Variants in SLC24A3 observed in about 807,000 individuals in gnomAD.
SLC24A3 encodes solute carrier family 24 member 3.
A neutral mutation model predicts 75.8 loss-of-function variants in SLC24A3; 28 were observed. That is an observed-to-expected ratio of 0.37 (90% CI 0.27 to 0.51). SLC24A3 has a LOEUF of 0.51. Ranked by LOEUF, SLC24A3 falls within the 20% of genes least tolerant of loss-of-function variation. The pLI is 0.94. For synonymous variants in SLC24A3, 372 were observed against 334.1 expected, an observed-to-expected ratio of 1.11 and a Z score of -1.24; for missense variants, 663 against 847.8, an observed-to-expected ratio of 0.78 and a Z score of 2.71.
intron 2 of SLC24A3, among the ~76,000 whole-genome samples, chr20:19,379,359 C>G (rs1489269938): frequency 2.0e-5 from 3 of 152,132 alleles, no homozygotes; most frequent in Non-Finnish European, 4.4e-5. Flanking sequence ...GGAGATAAGG[C>G]TGGAAGGCCA....
At chr20:19,325,795 T>TATATAGAGAGAGAG (rs1251419875) in intron 2 of SLC24A3, among the ~76,000 whole-genome samples, 4 of 67,796 alleles carry the variant, frequency 5.9e-5, no homozygotes, top group Non-Finnish European at 1.1e-4. Flanking sequence ...TATATATATA[T>TATATAGAGAGAGAG]AGAGAGAGAG....
chr20:19,390,405 C>G (rs1391880794), intron 2 of SLC24A3, among the ~76,000 whole-genome samples: 1 of 152,158 alleles, frequency 6.6e-6, no homozygotes, highest in Non-Finnish European at 1.5e-5. Context: ...CCACTAAAGT[C>G]CTTGGTAGGC....
chr20:19,572,772 G>A (rs911854172), intron 3 of SLC24A3, among the ~76,000 whole-genome samples: 2 of 152,126 alleles, frequency 1.3e-5, no homozygotes, highest in African/African-American at 4.8e-5. Flanking sequence ...ATCAATGAAT[G>A]GTTCCAGAAC....
rs530524075 is a variant in SLC24A3, at chr20:19,544,538, C to T, written c.348+28974C>T. Among the ~76,000 whole-genome samples, 3 of 152,192 alleles carry T rather than the reference C, an allele frequency of 2.0e-5. No individual in the cohort carries two copies. In the South Asian group the frequency reaches 6.2e-4, roughly 32 times the overall value. ...TGACTGAGTGGTACCATTTTTGCAC[C>T]AGACTAAAATTCACAGGGTTAAAGA... On this transcript the variant is annotated intron_variant, in intron 3 of 16. Transcript: ENST00000328041.
intron 2 of SLC24A3, among the ~76,000 whole-genome samples, chr20:19,492,081 T>C (rs139634777): frequency 0.019 from 2,928 of 152,328 alleles, 33 homozygotes; most frequent in Non-Finnish European, 0.032. Flanking sequence ...TGTGGGCAGA[T>C]ACCCAGGTTG....
chr20:19,289,284 C>A (rs557978920), intron 2 of SLC24A3, among the ~76,000 whole-genome samples: 1 of 152,284 alleles, frequency 6.6e-6, no homozygotes, highest in East Asian at 1.9e-4. Context: ...TAAAAGTTTA[C>A]CCCCTAAAAG....
chr20:19,641,986 T>G (rs937074162), intron 6 of SLC24A3, among the ~76,000 whole-genome samples: 1 of 152,192 alleles, frequency 6.6e-6, no homozygotes, highest in African/African-American at 2.4e-5. Context: ...CAGACCTGGC[T>G]CAAAACGTAG....
intron 1 of SLC24A3, among the ~76,000 whole-genome samples, chr20:19,279,417 G>T (rs1003712446): frequency 6.6e-6 from 1 of 152,170 alleles, no homozygotes; most frequent in East Asian, 1.9e-4. Flanking sequence ...TCTCCCCATG[G>T]CCCCATGAAG....
At chr20:19,293,138 A>G (rs1883944) in intron 2 of SLC24A3, among the ~76,000 whole-genome samples, 144,985 of 152,210 alleles carry the variant, frequency 0.95, 69,122 homozygotes, top group East Asian at 1. Context: ...TTTGGACAAT[A>G]TCTTTCCACA....
intron 6 of SLC24A3, among the ~76,000 whole-genome samples, chr20:19,650,763 GGT>G (rs894057476): frequency 6.6e-6 from 1 of 152,010 alleles, no homozygotes; most frequent in African/African-American, 2.4e-5. Flanking sequence ...AATACACAAT[GGT>G]TCATCTTCTT....
intron 4 of SLC24A3, among the ~76,000 whole-genome samples, chr20:19,584,102 A>T (rs1376923778): frequency 6.6e-6 from 1 of 152,238 alleles, no homozygotes; most frequent in Non-Finnish European, 1.5e-5. Flanking sequence ...CCAGCAGCAT[A>T]CTTTCTGGGT....
intron 2 of SLC24A3, among the ~76,000 whole-genome samples, chr20:19,508,526 A>G (rs1988492368): frequency 6.6e-6 from 1 of 152,126 alleles, no homozygotes; most frequent in African/African-American, 2.4e-5. Flanking sequence ...AAAGGAGAAA[A>G]GACTCTACCT....
intron 15 of SLC24A3, 94 bp downstream of exon 15, chr20:19,698,774 A>G (rs995508619): frequency 4.7e-5 from 44 of 927,832 alleles, no homozygotes; most frequent in South Asian, 6.0e-5. Context: ...TCGGGGAAAA[A>G]GGGGTGTAGA....
At chr20:19,277,724 G>A (rs903629719) in intron 1 of SLC24A3, among the ~76,000 whole-genome samples, 3 of 152,152 alleles carry the variant, frequency 2.0e-5, no homozygotes, top group Non-Finnish European at 4.4e-5. Flanking sequence ...GAATCATTAT[G>A]TTTAAAAATC....
At chr20:19,308,471 C>T (rs1468344927) in intron 2 of SLC24A3, among the ~76,000 whole-genome samples, 1 of 152,198 alleles carries the variant, frequency 6.6e-6, no homozygotes, top group East Asian at 1.9e-4. Flanking sequence ...CCGCAGTCCT[C>T]AGGCCACCAG....
At chr20:19,676,318 A>G (rs1221030582) in intron 9 of SLC24A3, among the ~76,000 whole-genome samples, 1 of 152,146 alleles carries the variant, frequency 6.6e-6, no homozygotes, top group Non-Finnish European at 1.5e-5. Context: ...GAAGCTAATG[A>G]GGTGTGTTTC....
chr20:19,241,795 T>C (rs921877777), intron 1 of SLC24A3, among the ~76,000 whole-genome samples: 3 of 152,202 alleles, frequency 2.0e-5, no homozygotes, highest in African/African-American at 7.2e-5. Flanking sequence ...TCAGCTCTCA[T>C]TGAGGGCAAT....
chr20:19,262,794 T>TA (rs1479947603), intron 1 of SLC24A3, among the ~76,000 whole-genome samples: 6 of 152,198 alleles, frequency 3.9e-5, no homozygotes, highest in Non-Finnish European at 8.8e-5. Context: ...CTCTTGCTCT[T>TA]ACGATTATTT....
chr20:19,702,520 A>G (rs1381430550), intron 15 of SLC24A3, among the ~76,000 whole-genome samples: 1 of 152,168 alleles, frequency 6.6e-6, no homozygotes, highest in Admixed American at 6.5e-5. Flanking sequence ...TAGCCATGAC[A>G]TGCACAAGAG....
Sources: gnomAD v4.1 joint callset for allele counts (sites outside exome capture counted in the v4.1 genomes callset) on GRCh38, gnomAD v4.1.1 for gene constraint, MANE v1.5 for transcripts, NCBI Gene and HGNC (gene_info 2026-07-23, HGNC 2026-07-21) for gene names.